Variants in ADAMTS3 observed in about 807,000 individuals in gnomAD.
The protein encoded by ADAMTS3 is A disintegrin and metalloproteinase with thrombospondin motifs 3.
Under a neutral mutation model 129.0 loss-of-function variants are expected in ADAMTS3, and 73 were observed. The observed-to-expected ratio is 0.57, with a 90% CI of 0.47 to 0.69. ADAMTS3 has a LOEUF of 0.69. Ranked by LOEUF, ADAMTS3 falls within the 30% of genes least tolerant of loss-of-function variation. ADAMTS3 has a pLI of 0.00. For synonymous variants in ADAMTS3, 477 were observed against 510.8 expected, an observed-to-expected ratio of 0.93 and a Z score of 0.89; for missense variants, 1,457 against 1,514.5, an observed-to-expected ratio of 0.96 and a Z score of 0.63.
intron 3 of ADAMTS3, among the ~76,000 whole-genome samples, chr4:72,530,039 ATATTATAT>A (rs1720948896): frequency 2.9e-5 from 1 of 34,204 alleles, no homozygotes; most frequent in African/African-American, 1.4e-4. Flanking sequence ...TAAATATAAT[ATATTATAT>A]TTATATATAA....
intron 4 of ADAMTS3, among the ~76,000 whole-genome samples, chr4:72,409,516 T>C (rs1422354066): frequency 6.6e-6 from 1 of 152,046 alleles, no homozygotes; most frequent in Non-Finnish European, 1.5e-5. Flanking sequence ...TCCTGAGCTC[T>C]GAAGTCTCAA....
At chr4:72,343,445 A>C (rs775120667) in intron 4 of ADAMTS3, among the ~76,000 whole-genome samples, 1 of 152,134 alleles carries the variant, frequency 6.6e-6, no homozygotes, top group Non-Finnish European at 1.5e-5. Context: ...GTTACCAAAA[A>C]CTTCCCTACC....
At chr4:72,338,688 A>G (rs764072418) in intron 5 of ADAMTS3, among the ~76,000 whole-genome samples, 1 of 152,100 alleles carries the variant, frequency 6.6e-6, no homozygotes, top group Non-Finnish European at 1.5e-5. Flanking sequence ...ATAAAACAGC[A>G]TAGGCTTAGG....
intron 3 of ADAMTS3, among the ~76,000 whole-genome samples, chr4:72,441,022 A>G (rs963990881): frequency 6.6e-6 from 1 of 151,772 alleles, no homozygotes; most frequent in Admixed American, 6.6e-5. Context: ...AAAATATAGG[A>G]CATATCTGTG....
chr4:72,523,869 A>T (rs2109746723), intron 3 of ADAMTS3, among the ~76,000 whole-genome samples: 1 of 152,262 alleles, frequency 6.6e-6, no homozygotes, highest in East Asian at 1.9e-4. Flanking sequence ...TCAATGTTCA[A>T]TGTATGTAAA....
chr4:72,333,848 C>CTT (rs6148516), intron 5 of ADAMTS3, among the ~76,000 whole-genome samples: 5,535 of 99,310 alleles, frequency 0.056, 998 homozygotes, highest in East Asian at 0.15. Flanking sequence ...TGTTTGCTTG[C>CTT]TTTTTTTTTT....
At chr4:72,479,252 A>C (rs1324318889) in intron 3 of ADAMTS3, among the ~76,000 whole-genome samples, 2 of 152,214 alleles carry the variant, frequency 1.3e-5, no homozygotes, top group Non-Finnish European at 2.9e-5. Context: ...CCTAAGCCAA[A>C]AGAACAAAGC....
At chr4:72,346,687 T>G (rs1366188313) in intron 4 of ADAMTS3, among the ~76,000 whole-genome samples, 1 of 152,128 alleles carries the variant, frequency 6.6e-6, no homozygotes, top group African/African-American at 2.4e-5. Context: ...CTCACAGATA[T>G]TGCATGAGAC....
rs1720941237 is a variant in ADAMTS3 at position 72,529,995 on chromosome 4, T to TTATATATAATATATAATATATTATATA, written c.504+18482_504+18483insTATATAATATATTATATATTATATATA. ...TATATATAAATATAATATATTATAT[T>TTATATATAATATATAATATATTATATA]TATATATAATATATAATATATTATA... On this transcript the variant is annotated intron_variant, in intron 3 of 21. Transcript: ENST00000286657. Among the ~76,000 whole-genome samples the TTATATATAATATATAATATATTATATA allele has an allele frequency of 1.0e-4, 3 of 30,086 alleles. 1 individual carries two copies. Among genetic ancestry groups the TTATATATAATATATAATATATTATATA allele is most frequent in the Non-Finnish European group, 1.6e-4 (3 of 19,262 alleles). The allele number at this position is 30,086 out of a possible 152,430, so 19.7% of individuals were successfully genotyped here.
At chr4:72,291,318 G>C (rs1354989117) in intron 19 of ADAMTS3, among the ~76,000 whole-genome samples, 1 of 151,926 alleles carries the variant, frequency 6.6e-6, no homozygotes, top group Non-Finnish European at 1.5e-5. Context: ...AGTTACATAT[G>C]TATACATGTG....
At chr4:72,511,392 G>C (rs1345765242) in intron 3 of ADAMTS3, among the ~76,000 whole-genome samples, 1 of 152,100 alleles carries the variant, frequency 6.6e-6, no homozygotes, top group African/African-American at 2.4e-5. Context: ...TAGAATATAT[G>C]AGGAGCTCAA....
At chr4:72,315,705 T>C (rs973828385) in intron 11 of ADAMTS3, among the ~76,000 whole-genome samples, 153 bp downstream of exon 11, 1 of 152,208 alleles carries the variant, frequency 6.6e-6, no homozygotes, top group Non-Finnish European at 1.5e-5. Context: ...AGGGAACTAG[T>C]ACACTATTTT....
At chr4:72,529,264 C>T (rs1720895272) in intron 3 of ADAMTS3, among the ~76,000 whole-genome samples, 1 of 152,076 alleles carries the variant, frequency 6.6e-6, no homozygotes, top group Non-Finnish European at 1.5e-5. Context: ...GGGAAGTATA[C>T]TGAAACCAGT....
intron 3 of ADAMTS3, among the ~76,000 whole-genome samples, chr4:72,479,248 C>A (rs1392573719): frequency 3.3e-5 from 5 of 152,096 alleles, no homozygotes; most frequent in Non-Finnish European, 7.4e-5. Flanking sequence ...CAATCCTAAG[C>A]CAAAAGAACA....
At chr4:72,290,103 C>T (rs922037241) in intron 20 of ADAMTS3, among the ~76,000 whole-genome samples, 6 of 152,128 alleles carry the variant, frequency 3.9e-5, no homozygotes, top group African/African-American at 1.4e-4. Flanking sequence ...GTGGTAATAG[C>T]TGACAATGCA....
chr4:72,469,857 G>A (rs11735862), intron 3 of ADAMTS3, among the ~76,000 whole-genome samples: 23,758 of 151,942 alleles, frequency 0.16, 2,500 homozygotes, highest in Middle Eastern at 0.27. Flanking sequence ...TCTGGCTTAC[G>A]TTATTGTAAG....
At chr4:72,471,737 CTTGT>C (rs1439965820) in intron 3 of ADAMTS3, among the ~76,000 whole-genome samples, 1 of 151,898 alleles carries the variant, frequency 6.6e-6, no homozygotes, top group Non-Finnish European at 1.5e-5. Flanking sequence ...TTTAGACAAA[CTTGT>C]TTATGTTAAT....
At chr4:72,391,336 G>A (rs961470924) in intron 4 of ADAMTS3, among the ~76,000 whole-genome samples, 4 of 152,182 alleles carry the variant, frequency 2.6e-5, no homozygotes, top group Admixed American at 6.5e-5. Context: ...AAGCTACAGA[G>A]TTGAGAGATG....
intron 3 of ADAMTS3, among the ~76,000 whole-genome samples, chr4:72,479,989 A>T (rs1719380801): frequency 6.6e-6 from 1 of 152,126 alleles, no homozygotes; most frequent in Admixed American, 6.5e-5. Context: ...TCAAAACCAC[A>T]ATGAGATACC....
Sources: allele counts gnomAD v4.1 joint callset (sites outside exome capture counted in the v4.1 genomes callset), GRCh38; gene constraint gnomAD v4.1.1; transcripts MANE v1.5; gene names NCBI Gene and HGNC (gene_info 2026-07-23, HGNC 2026-07-21).